RBFOX1: variants seen among roughly 807,000 people sequenced by gnomAD.
The protein encoded by RBFOX1 is RNA binding protein fox-1 homolog 1.
A neutral mutation model predicts 57.7 loss-of-function variants in RBFOX1; 8 were observed. The observed-to-expected ratio is 0.14, with a 90% CI of 0.08 to 0.25. RBFOX1 has a LOEUF of 0.25. Among genes scored for constraint, RBFOX1 ranks in the 10% least tolerant of loss-of-function variants. The probability of loss-of-function intolerance (pLI) is 1.00; values close to 1 mark genes in which losing one functional copy is unlikely to be tolerated. For synonymous variants in RBFOX1, 326 were observed against 222.4 expected (o/e 1.47, Z -4.15); for missense variants, 611 against 548.5 (o/e 1.11, Z -1.14).
At chr16:7,295,434 A>G (rs182170139) in intron 4 of RBFOX1, among the ~76,000 whole-genome samples, 29 of 152,262 alleles carry the variant, frequency 1.9e-4, no homozygotes, top group African/African-American at 5.3e-4. Context: ...AATAGTTGCT[A>G]TATATTGAGT....
intron 3 of RBFOX1, among the ~76,000 whole-genome samples, chr16:6,693,931 A>G (rs1489175296): frequency 1.3e-5 from 2 of 152,224 alleles, no homozygotes; most frequent in Non-Finnish European, 2.9e-5. Context: ...GTTTACCCAT[A>G]TGAAGTAGAC....
At chr16:6,063,278 C>T (rs2095712013) in intron 1 of RBFOX1, among the ~76,000 whole-genome samples, 1 of 152,086 alleles carries the variant, frequency 6.6e-6, no homozygotes, top group Non-Finnish European at 1.5e-5. Flanking sequence ...CTTGCTAAGA[C>T]ATTGAGTTTC....
At chr16:6,859,125 A>G (rs1376607681) in intron 3 of RBFOX1, among the ~76,000 whole-genome samples, 2 of 66,328 alleles carry the variant, frequency 3.0e-5, no homozygotes, top group African/African-American at 9.5e-5. Context: ...ATATATATAT[A>G]TATACATATA....
At chr16:7,609,382 G>T (rs922168388) in intron 10 of RBFOX1, among the ~76,000 whole-genome samples, 1 of 152,082 alleles carries the variant, frequency 6.6e-6, no homozygotes, top group South Asian at 2.1e-4. Flanking sequence ...TTGTGCTTTC[G>T]TAGCCACAGA....
intron 1 of RBFOX1, among the ~76,000 whole-genome samples, chr16:6,264,734 G>A (rs563655708): frequency 9.5e-4 from 144 of 152,278 alleles, no homozygotes; most frequent in African/African-American, 2.9e-3. Context: ...GTGCCAGGCA[G>A]GTGCTCAGCT....
intron 2 of RBFOX1, among the ~76,000 whole-genome samples, chr16:6,509,391 A>G (rs1301865205): frequency 1.3e-5 from 2 of 152,238 alleles, no homozygotes; most frequent in Non-Finnish European, 2.9e-5. Flanking sequence ...AACAACATAG[A>G]TGGAACTGGA....
At chr16:7,115,440 C>G (rs972844414) in intron 4 of RBFOX1, among the ~76,000 whole-genome samples, 4 of 152,174 alleles carry the variant, frequency 2.6e-5, no homozygotes, top group African/African-American at 9.7e-5. Context: ...TAATTACCAC[C>G]TCATAGTTGC....
intron 1 of RBFOX1, among the ~76,000 whole-genome samples, chr16:5,439,807 C>G (rs879395687): frequency 3.6e-4 from 55 of 151,998 alleles, no homozygotes; most frequent in Admixed American, 2.6e-4. Flanking sequence ...AACTTACAAT[C>G]ATGGCAGAAG....
chr16:6,895,695 G>A (rs111578265), intron 3 of RBFOX1, among the ~76,000 whole-genome samples: 1 of 151,576 alleles, frequency 6.6e-6, no homozygotes, highest in African/African-American at 2.4e-5. Context: ...AAGAAATAAA[G>A]GAAGAGTAAA....
intron 4 of RBFOX1, among the ~76,000 whole-genome samples, chr16:7,340,874 A>G (rs559570793): frequency 1.3e-5 from 2 of 152,206 alleles, no homozygotes; most frequent in Non-Finnish European, 2.9e-5. Context: ...GTCTTGCTGC[A>G]GCAGCCATCT....
intron 1 of RBFOX1, among the ~76,000 whole-genome samples, chr16:6,286,262 A>G: frequency 6.6e-6 from 1 of 152,210 alleles, no homozygotes; most frequent in East Asian, 1.9e-4. Context: ...CCAAGTCTCC[A>G]TGTGTCTTAA....
intron 3 of RBFOX1, among the ~76,000 whole-genome samples, chr16:5,693,965 G>C (rs1369321590): frequency 1.3e-5 from 2 of 152,188 alleles, no homozygotes; most frequent in African/African-American, 4.8e-5. Flanking sequence ...TCCCCAGTTA[G>C]AGTAGACATC....
chr16:6,416,145 G>T (rs2093618676), intron 2 of RBFOX1, among the ~76,000 whole-genome samples: 1 of 152,180 alleles, frequency 6.6e-6, no homozygotes, highest in South Asian at 2.1e-4. Context: ...TTTGGAACAT[G>T]GTGCAGCAGT....
chr16:5,434,347 G>A (rs1339528097), intron 1 of RBFOX1, among the ~76,000 whole-genome samples: 1 of 57,546 alleles, frequency 1.7e-5, no homozygotes, highest in South Asian at 5.3e-4. Flanking sequence ...TTTGAGGCAG[G>A]GTCTTACTAT....
chr16:5,364,203 TCTC>T (rs994134970), intron 1 of RBFOX1, among the ~76,000 whole-genome samples: 1 of 152,216 alleles, frequency 6.6e-6, no homozygotes, highest in African/African-American at 2.4e-5. Flanking sequence ...AGGAACAACT[TCTC>T]CTAGAAGTTC....
chr16:5,762,258 C>G (rs191592816), intron 3 of RBFOX1, among the ~76,000 whole-genome samples: 5 of 151,294 alleles, frequency 3.3e-5, no homozygotes, highest in Admixed American at 2.0e-4. Flanking sequence ...GGCCGGGACA[C>G]TTGGAAAAAT....
chr16:6,563,319 C>T (rs1193533541), intron 2 of RBFOX1, among the ~76,000 whole-genome samples: 2 of 152,140 alleles, frequency 1.3e-5, no homozygotes, highest in African/African-American at 4.8e-5. Flanking sequence ...TACAATGGGC[C>T]AGGCACTATT....
At chr16:5,375,461 G>A (rs918759095) in intron 1 of RBFOX1, among the ~76,000 whole-genome samples, 1 of 152,180 alleles carries the variant, frequency 6.6e-6, no homozygotes, top group African/African-American at 2.4e-5. Flanking sequence ...GAGAGTCTGG[G>A]ATAGTGACGG....
intron 4 of RBFOX1, among the ~76,000 whole-genome samples, chr16:5,912,143 C>A (rs1348793066): frequency 6.6e-6 from 1 of 152,132 alleles, no homozygotes. Flanking sequence ...CCATCTCTGC[C>A]ATTTGCTAAC....
Sources: allele counts gnomAD v4.1 joint callset (sites outside exome capture counted in the v4.1 genomes callset), GRCh38; gene constraint gnomAD v4.1.1; transcripts MANE v1.5; gene names NCBI Gene and HGNC (gene_info 2026-07-23, HGNC 2026-07-21).